RORA: variants seen among roughly 807,000 people sequenced by gnomAD.
RORA encodes RAR related orphan receptor A.
A neutral mutation model predicts 69.5 loss-of-function variants in RORA; 7 were observed. The observed-to-expected ratio is 0.10, with a 90% confidence interval of 0.06 to 0.19. RORA has a LOEUF of 0.19. Among genes scored for constraint, RORA ranks in the 10% least tolerant of loss-of-function variants. The probability of loss-of-function intolerance (pLI) is 1.00; values close to 1 mark genes in which losing one functional copy is unlikely to be tolerated. For synonymous variants in RORA, 261 were observed against 240.8 expected (o/e 1.08, Z -0.78); for missense variants, 457 against 663.0 (o/e 0.69, Z 3.41).
intron 1 of RORA, among the ~76,000 whole-genome samples, chr15:61,210,889 C>T (rs1473181622): frequency 1.3e-5 from 2 of 152,228 alleles, no homozygotes; most frequent in African/African-American, 4.8e-5. Flanking sequence ...TGATTCTCTT[C>T]CTACTCTTCT....
chr15:60,601,216 T>A (rs1189683629), intron 2 of RORA, among the ~76,000 whole-genome samples: 1 of 152,224 alleles, frequency 6.6e-6, no homozygotes, highest in Admixed American at 6.5e-5. Context: ...TCTAGGCATG[T>A]GTGCAAGAAA....
At chr15:61,115,840 G>A (rs1176818340) in intron 1 of RORA, among the ~76,000 whole-genome samples, 1 of 152,210 alleles carries the variant, frequency 6.6e-6, no homozygotes, top group African/African-American at 2.4e-5. Context: ...ATGAACAAGA[G>A]GAGGCTCAGC....
At chr15:60,922,911 T>C (rs1367119276) in intron 1 of RORA, among the ~76,000 whole-genome samples, 1 of 152,226 alleles carries the variant, frequency 6.6e-6, no homozygotes, top group Non-Finnish European at 1.5e-5. Context: ...GATACTATTG[T>C]CACACATATA....
At chr15:60,591,354 T>A (rs1222163496) in intron 2 of RORA, among the ~76,000 whole-genome samples, 1 of 152,070 alleles carries the variant, frequency 6.6e-6, no homozygotes, top group Admixed American at 6.5e-5. Flanking sequence ...TTTGCAACCG[T>A]CCCAAGAGCG....
At chr15:61,150,446 C>CAA (rs2079388015) in intron 1 of RORA, among the ~76,000 whole-genome samples, 1 of 152,122 alleles carries the variant, frequency 6.6e-6, no homozygotes, top group Non-Finnish European at 1.5e-5. Flanking sequence ...ATTTAATGAC[C>CAA]TTGTTCAGCC....
At chr15:60,955,368 G>A (rs567253466) in intron 1 of RORA, among the ~76,000 whole-genome samples, 7 of 152,206 alleles carry the variant, frequency 4.6e-5, no homozygotes, top group South Asian at 4.2e-4. Context: ...GCATTGTCTC[G>A]TTTTAAAGTA....
In RORA at chr15:61,179,336, G is replaced by A. The variant is rs1373529225; in HGVS notation, c.166+49717C>T. ...ATACCACCACACACTGAATGCAGAAGCAGAGCTGGGAATCCAGCTGTTTTC... is the reference window on the plus strand; with the variant it reads ...ATACCACCACACACTGAATGCAGAAACAGAGCTGGGAATCCAGCTGTTTTC... On this transcript the variant is annotated intron_variant, in intron 1 of 10. Coordinates refer to ENST00000335670, the MANE Select transcript of RORA (RefSeq NM_134261.3). Among the ~76,000 whole-genome samples the A allele has an allele frequency of 2.6e-5, 4 of 152,220 alleles. No individual in the cohort carries two copies. In the East Asian group the frequency reaches 7.7e-4, roughly 29 times the overall value.
In RORA at chr15:60,674,602, C is replaced by A. The variant is rs200379127; in HGVS notation, c.196+4055G>T. On this transcript the variant is annotated intron_variant, in intron 2 of 10. Transcript: ENST00000335670. ...AATATTTTACTATTGAGAACTAAAT[C>A]TTTTTATAAATAACACAGTGCTTTA... Among the ~76,000 whole-genome samples, 34 of 152,232 alleles carry A rather than the reference C, an allele frequency of 2.2e-4. No homozygotes were observed. The East Asian group carries it at 6.4e-3, about 28-fold the overall frequency.
At chr15:60,578,946 G>C (rs958835893) in intron 2 of RORA, among the ~76,000 whole-genome samples, 2 of 151,722 alleles carry the variant, frequency 1.3e-5, no homozygotes, top group African/African-American at 4.8e-5. Context: ...TGTATTTTCA[G>C]TAGGGATGGG....
In RORA at chr15:61,068,754, A is replaced by G. The variant is rs76662224; in HGVS notation, c.166+160299T>C. On this transcript the variant is annotated intron_variant, in intron 1 of 10. Coordinates refer to ENST00000335670, the MANE Select transcript of RORA (RefSeq NM_134261.3). ...CCATGTATAAGCTTTAGCTTAGCTC[A>G]TTTAGCTCAAGACCTGCAACAAGTC... Among the ~76,000 whole-genome samples the G allele has an allele frequency of 5.8e-4, 88 of 152,342 alleles. 1 individual carries two copies. In the East Asian group the frequency reaches 0.016, roughly 28 times the overall value.
chr15:61,052,111 A>G (rs2078022959), intron 1 of RORA, among the ~76,000 whole-genome samples: 1 of 152,252 alleles, frequency 6.6e-6, no homozygotes, highest in Non-Finnish European at 1.5e-5. Context: ...TACATCCCAG[A>G]GTGCAAGAGT....
At chr15:60,539,822 G>C (rs4774367) in intron 2 of RORA, among the ~76,000 whole-genome samples, 76,943 of 151,940 alleles carry the variant, frequency 0.51, 23,781 homozygotes, top group East Asian at 0.93. Flanking sequence ...CAAGGGCTAA[G>C]ATAAAGGTAA....
At position 60,971,617 on chromosome 15, in the gene RORA, G is replaced by C. The variant is rs1261952534; in HGVS notation, c.166+257436C>G. Among the ~76,000 whole-genome samples the C allele has an allele frequency of 2.0e-5, 3 of 152,004 alleles. No individual in the cohort carries two copies. In the South Asian group the frequency reaches 6.2e-4, roughly 32 times the overall value. ...TTTCCTCTTCCCCTGTATCATTCTC[G>C]ACCTCAGAACTAACCTTTCTGTTTA... is the stretch of plus-strand genomic sequence containing the variant. On this transcript the variant is annotated intron_variant, in intron 1 of 10. Transcript: ENST00000335670.
chr15:60,851,716 G>GTT (rs1567213902), intron 1 of RORA, among the ~76,000 whole-genome samples: 1 of 151,814 alleles, frequency 6.6e-6, no homozygotes, highest in Non-Finnish European at 1.5e-5. Context: ...ATGTGTGTGT[G>GTT]TGTGTGTGAG....
chr15:61,060,208 G>C (rs78141454), intron 1 of RORA, among the ~76,000 whole-genome samples: 4,844 of 152,230 alleles, frequency 0.032, 185 homozygotes, highest in East Asian at 0.11. Flanking sequence ...CTTTCAGGGA[G>C]AGACAGAGTT....
At chr15:61,187,923 A>C (rs1567029302) in intron 1 of RORA, among the ~76,000 whole-genome samples, 1 of 152,042 alleles carries the variant, frequency 6.6e-6, no homozygotes, top group African/African-American at 2.4e-5. Context: ...AATTTAAAGA[A>C]GTTCCCCAAC....
intron 1 of RORA, among the ~76,000 whole-genome samples, chr15:60,857,071 G>A (rs909509344): frequency 6.6e-6 from 1 of 152,186 alleles, no homozygotes; most frequent in Non-Finnish European, 1.5e-5. Context: ...AACGTCTAGT[G>A]GGAGAGCATC....
chr15:60,819,767 A>ACACACACG (rs1555455765), intron 1 of RORA, among the ~76,000 whole-genome samples: 1 of 147,532 alleles, frequency 6.8e-6, no homozygotes, highest in East Asian at 2.0e-4. Context: ...ACACACACAC[A>ACACACACG]CACACACACA....
intron 1 of RORA, among the ~76,000 whole-genome samples, chr15:61,018,658 A>C (rs969461211): frequency 1.1e-4 from 16 of 152,178 alleles, no homozygotes; most frequent in African/African-American, 3.9e-4. Context: ...CTGTGCTCAT[A>C]TATAACATGT....
Sources: allele counts gnomAD v4.1 joint callset (sites outside exome capture counted in the v4.1 genomes callset), GRCh38; gene constraint gnomAD v4.1.1; transcripts MANE v1.5; gene names NCBI Gene and HGNC (gene_info 2026-07-23, HGNC 2026-07-21).